Variants in PER3 observed in about 807,000 individuals in gnomAD.
PER3 encodes period circadian protein homolog 3.
Under a neutral mutation model 127.2 loss-of-function variants are expected in PER3, and 107 were observed. The observed-to-expected ratio is 0.84, with a 90% CI of 0.72 to 0.99. The LOEUF is 0.99. Ranked by LOEUF, PER3 falls within the 50% of genes least tolerant of loss-of-function variation. The pLI is 0.00. For missense variants in PER3, 1,560 were observed against 1,525.8 expected (o/e 1.02, Z -0.37); for synonymous variants, 618 against 585.8 (o/e 1.05, Z -0.79).
chr1:7,837,833 G>A (rs1186346151), intron 21 of PER3, among the ~76,000 whole-genome samples: 1 of 152,178 alleles, frequency 6.6e-6, no homozygotes, highest in African/African-American at 2.4e-5. Flanking sequence ...CAGCACTTTG[G>A]GAGGCCAAGG....
At chr1:7,810,858 G>A (rs1333586979) in intron 13 of PER3, 7 of 268,184 alleles carry the variant, frequency 2.6e-5, no homozygotes, top group Non-Finnish European at 4.9e-5. Flanking sequence ...AAATACCAAC[G>A]AATTATAGAT....
chr1:7,790,072 C>G (rs1306952694), intron 5 of PER3, among the ~76,000 whole-genome samples: 1 of 152,190 alleles, frequency 6.6e-6, no homozygotes. Flanking sequence ...TCTGCCAGGT[C>G]TTTCCCATTT....
chr1:7,829,358 T>C (rs2097317900), intron 18 of PER3, among the ~76,000 whole-genome samples: 1 of 152,248 alleles, frequency 6.6e-6, no homozygotes, highest in Admixed American at 6.5e-5. Flanking sequence ...TTGCCTAAAA[T>C]TGTAGCACTC....
chr1:7,792,627 C>T (rs1049959098), intron 5 of PER3, among the ~76,000 whole-genome samples: 7 of 152,160 alleles, frequency 4.6e-5, no homozygotes, highest in Admixed American at 6.5e-5. Context: ...GCCTGCGTTA[C>T]CCCCTTCGAT....
At chr1:7,798,831 G>A (rs2097157532) in intron 7 of PER3, among the ~76,000 whole-genome samples, 158 bp downstream of exon 7, 1 of 152,212 alleles carries the variant, frequency 6.6e-6, no homozygotes, top group Non-Finnish European at 1.5e-5. Flanking sequence ...TGATGTCTCT[G>A]TTTACTGACT....
intron 7 of PER3, 76 bp downstream of exon 7, chr1:7,798,749 GAAC>G (rs1367098492): frequency 7.9e-7 from 1 of 1,269,282 alleles, no homozygotes; most frequent in Non-Finnish European, 1.1e-6. Context: ...GTCAGTCATA[GAAC>G]AACAAAAAGA....
At chr1:7,804,098 A>G (rs2097182440) in intron 10 of PER3, 2 of 342,150 alleles carry the variant, frequency 5.8e-6, no homozygotes, top group East Asian at 4.7e-5. Flanking sequence ...GTATTATTAT[A>G]TTGGTCAATG....
chr1:7,795,125 A>G (rs557038071), intron 6 of PER3, among the ~76,000 whole-genome samples: 1 of 152,302 alleles, frequency 6.6e-6, no homozygotes, highest in African/African-American at 2.4e-5. Flanking sequence ...GAAAGGGCAC[A>G]GCGGTGGGAG....
intron 10 of PER3, among the ~76,000 whole-genome samples, chr1:7,805,517 C>T (rs891163284): frequency 4.6e-5 from 7 of 152,040 alleles, no homozygotes; most frequent in South Asian, 2.1e-4. Flanking sequence ...GGCTCCTGGC[C>T]GCCCTAACTC....
rs765161132 is a variant in PER3, at chr1:7,835,963, A to G, written c.3398+18A>G. 4 of 1,503,828 alleles carry G rather than the reference A, an allele frequency of 2.7e-6. No homozygotes were observed. The highest frequency in any genetic ancestry group is 3.6e-6 in the Non-Finnish European group (4 of 1,104,026). The allele number at this position is 1,503,828 out of a possible 1,614,324, so 93.2% of individuals were successfully genotyped here. A position where few individuals can be genotyped will look rare whatever the true frequency, so the allele number is the denominator to read the frequency against. ...CCTGAGAGGTAAGAAAGCACTTTAG[A>G]AAACCCACTTTTTATATTTTTGTGG... On this transcript the variant is annotated intron_variant, in intron 20 of 21. Coordinates refer to ENST00000377532, the MANE Select transcript of PER3 (RefSeq NM_001377275.1).
intron 5 of PER3, among the ~76,000 whole-genome samples, chr1:7,792,505 C>A (rs1335695938): frequency 6.6e-6 from 1 of 152,186 alleles, no homozygotes; most frequent in Admixed American, 6.5e-5. Context: ...TTCACTTATG[C>A]CATAAGGCAC....
intron 6 of PER3, among the ~76,000 whole-genome samples, chr1:7,794,502 A>T (rs1412654526): frequency 1.3e-5 from 2 of 152,176 alleles, no homozygotes; most frequent in African/African-American, 4.8e-5. Context: ...AAAAAAAATA[A>T]AAATAAATAA....
At position 7,784,803 on chromosome 1, in the gene PER3, C is replaced by T. The variant is rs563583929; in HGVS notation, c.-75C>T. The stretch of plus-strand genomic sequence containing the variant: ...ACCGGAGTGAGAAACCGGTGTCTGT[C>T]ACTGACTGCAAAGTGAGCGAGAAGC... On this transcript the variant is annotated 5_prime_UTR_variant, in exon 2 of 22. Coordinates refer to ENST00000377532, the MANE Select transcript of PER3 (RefSeq NM_001377275.1). 2.9e-6 allele frequency: 4 copies of T among 1,366,708 alleles called. No homozygotes were observed. Among genetic ancestry groups the T allele is most frequent in the Admixed American group, 8.1e-5 (2 of 24,778 alleles). 84.7% of individuals were successfully genotyped at this position (1,366,708 alleles called of 1,614,324 possible). A position where few individuals can be genotyped will look rare whatever the true frequency, so the allele number is the denominator to read the frequency against.
rs187822631 is a variant in PER3 at position 7,792,325 on chromosome 1, C to T, written c.593-1632C>T. ...ACTCACTATCACGAGAACGGGATGA[C>T]GGCAACCACCCCCATGATTCAGTTA... On this transcript the variant is annotated intron_variant, in intron 5 of 21. Coordinates refer to ENST00000377532, the MANE Select transcript of PER3 (RefSeq NM_001377275.1). Among the ~76,000 whole-genome samples, 11 of 152,258 alleles carry T rather than the reference C, an allele frequency of 7.2e-5. No homozygotes were observed. In the East Asian group the frequency reaches 9.7e-4, roughly 13 times the overall value.
chr1:7,840,902 C>T (rs905314626), intron 21 of PER3, among the ~76,000 whole-genome samples: 1 of 152,188 alleles, frequency 6.6e-6, no homozygotes, highest in Non-Finnish European at 1.5e-5. Flanking sequence ...GCCACTGTGC[C>T]CTACCAGTTC....
intron 5 of PER3, among the ~76,000 whole-genome samples, chr1:7,790,204 ACTAT>A (rs773415349): frequency 1.3e-5 from 2 of 152,222 alleles, no homozygotes; most frequent in African/African-American, 4.8e-5. Flanking sequence ...GCTATAAAGA[ACTAT>A]CTGAGACTGG....
At chr1:7,828,521 T>C (rs950348610) in intron 18 of PER3, among the ~76,000 whole-genome samples, 4 of 152,228 alleles carry the variant, frequency 2.6e-5, no homozygotes, top group African/African-American at 9.6e-5. Flanking sequence ...CTCTTTAAGG[T>C]ACAATACCCT....
intron 13 of PER3, among the ~76,000 whole-genome samples, chr1:7,817,218 T>C (rs1398312968): frequency 6.6e-6 from 1 of 152,180 alleles, no homozygotes; most frequent in African/African-American, 2.4e-5. Context: ...AATGTTCTTT[T>C]GGTTACTGTG....
chr1:7,785,108 AG>A, intron 2 of PER3, 103 bp downstream of exon 2: 1 of 1,306,580 alleles, frequency 7.7e-7, no homozygotes, highest in Non-Finnish European at 1.0e-6. Flanking sequence ...TTTCAAGCCC[AG>A]GGGAAAGTGT....
Sources: allele counts gnomAD v4.1 joint callset (sites outside exome capture counted in the v4.1 genomes callset), GRCh38; gene constraint gnomAD v4.1.1; transcripts MANE v1.5; gene names NCBI Gene and HGNC (gene_info 2026-07-23, HGNC 2026-07-21).